The following RAB5B variants were observed in gnomAD, a reference collection of about 807,000 sequenced individuals.
RAB5B encodes the protein ras-related protein Rab-5B.
In RAB5B, 11 loss-of-function variants were observed where a neutral mutation model predicts 28.6. The observed-to-expected ratio is 0.38, with a 90% CI of 0.24 to 0.64. The LOEUF is 0.64. Among genes scored for constraint, RAB5B ranks in the 30% least tolerant of loss-of-function variants. RAB5B has a pLI of 0.53. For synonymous variants in RAB5B, 93 were observed against 97.9 expected, an observed-to-expected ratio of 0.95 and a Z score of 0.29; for missense variants, 169 against 265.6, an observed-to-expected ratio of 0.64 and a Z score of 2.53.
At chr12:55,980,318 C>T (rs1385022461) in intron 1 of RAB5B, 9 of 848,394 alleles carry the variant, frequency 1.1e-5, no homozygotes, top group Admixed American at 4.1e-5. Context: ...TACCATCTAC[C>T]TATGTGTCCC....
intron 1 of RAB5B, among the ~76,000 whole-genome samples, chr12:55,984,644 T>A (rs189444763): frequency 8.5e-4 from 128 of 151,336 alleles, no homozygotes; most frequent in Middle Eastern, 6.9e-3. Context: ...ACCCAGCTAA[T>A]TTTTTTTGTA....
chr12:55,988,084 G>T (rs1890005288), intron 2 of RAB5B, among the ~76,000 whole-genome samples: 1 of 152,178 alleles, frequency 6.6e-6, no homozygotes, highest in Non-Finnish European at 1.5e-5. Context: ...AGGAGATGGA[G>T]GTTGCAGTGA....
chr12:55,983,077 T>C (rs1204093367), intron 1 of RAB5B, among the ~76,000 whole-genome samples: 1 of 152,130 alleles, frequency 6.6e-6, no homozygotes, highest in Non-Finnish European at 1.5e-5. Flanking sequence ...GTCTTCTCTT[T>C]TATTTATTTT....
chr12:55,987,604 C>CG (rs1302316620), intron 2 of RAB5B, among the ~76,000 whole-genome samples: 1 of 152,014 alleles, frequency 6.6e-6, no homozygotes, highest in Non-Finnish European at 1.5e-5. Context: ...CCAAGATGGG[C>CG]GGATCACCTG....
At chr12:55,975,790 C>CTTTTTTTT (rs1163535431) in intron 1 of RAB5B, among the ~76,000 whole-genome samples, 7 of 115,136 alleles carry the variant, frequency 6.1e-5, no homozygotes, top group African/African-American at 7.0e-5. Context: ...CACTACATTT[C>CTTTTTTTT]TTTTTTTTTT....
rs1293760482 is a variant in RAB5B at position 55,995,995 on chromosome 12, A to ATTTT, written c.*3784_*3785insTTTT. Reference sequence around the variant, plus strand: ...TCCATATATATATACATATATATATATATATATATTTTTTTTTTAACAACT... The same window carrying ATTTT: ...TCCATATATATATACATATATATATATTTTTATATATATTTTTTTTTTAACAACT... On this transcript the variant is annotated 3_prime_UTR_variant, in exon 6 of 6. Coordinates refer to ENST00000360299, the MANE Select transcript of RAB5B (RefSeq NM_002868.4). The ATTTT allele has an allele frequency of 4.0e-4, 42 of 104,036 alleles. No individual in the cohort carries two copies. The highest frequency in any genetic ancestry group is 7.9e-4 in the South Asian group (3 of 3,802). 6.4% of individuals were successfully genotyped at this position (104,036 alleles called of 1,614,324 possible). A position where few individuals can be genotyped will look rare whatever the true frequency, so the allele number is the denominator to read the frequency against.
chr12:55,987,182 A>G (rs1334635392), intron 2 of RAB5B, 59 bp downstream of exon 2: 7 of 1,407,000 alleles, frequency 5.0e-6, no homozygotes, highest in Admixed American at 4.1e-5. Context: ...TTTTTTTTAG[A>G]TGGAGTCTTG....
intron 1 of RAB5B, among the ~76,000 whole-genome samples, chr12:55,985,428 TCAAGCA>T (rs1367494479): frequency 1.3e-5 from 2 of 152,234 alleles, no homozygotes; most frequent in Non-Finnish European, 2.9e-5. Context: ...AGTACAACTC[TCAAGCA>T]ATGCTTAGGT....
intron 1 of RAB5B, chr12:55,981,148 C>G: frequency 2.3e-6 from 2 of 876,034 alleles, no homozygotes; most frequent in South Asian, 3.2e-5. Context: ...ACTGCTACCT[C>G]TGCCTCCCAG....
rs1262587291 is a variant in RAB5B, at chr12:55,980,483, G to A, written c.-93+6344G>A. 5.0e-6 allele frequency: 8 copies of A among 1,592,244 alleles called. No individual in the cohort carries two copies. The Admixed American group carries it at 1.3e-4, about 27-fold the overall frequency. On this transcript the variant is annotated intron_variant, in intron 1 of 5. Transcript: ENST00000360299. ...ACAAGTTTTCAGGTCAGTACTGGGA[G>A]GCTTGTTGCCGTTTCCTGATCTCCG...
At chr12:55,982,879 G>A (rs1592798181) in intron 1 of RAB5B, among the ~76,000 whole-genome samples, 1 of 152,154 alleles carries the variant, frequency 6.6e-6, no homozygotes, top group South Asian at 2.1e-4. Context: ...TTGTAGAGTA[G>A]TAACATTGAG....
At chr12:55,990,214 C>T in intron 3 of RAB5B, 116 bp downstream of exon 3, 1 of 1,178,840 alleles carries the variant, frequency 8.5e-7, no homozygotes, top group Admixed American at 2.6e-5. Flanking sequence ...TTGAGACCAT[C>T]CTGGCCAACA....
At chr12:55,992,000 C>A in intron 5 of RAB5B, 97 bp from the exon 6 acceptor site, 2 of 833,290 alleles carry the variant, frequency 2.4e-6, no homozygotes, top group East Asian at 2.6e-5. Flanking sequence ...CAAATTCTCC[C>A]TTTTCCCCAA....
intron 1 of RAB5B, among the ~76,000 whole-genome samples, chr12:55,977,693 G>C (rs1889684492): frequency 6.6e-6 from 1 of 152,186 alleles, no homozygotes; most frequent in Non-Finnish European, 1.5e-5. Flanking sequence ...CCCTCTTGGA[G>C]GAAGGATACC....
intron 2 of RAB5B, 36 bp from the exon 3 acceptor site, chr12:55,989,911 C>G (rs1250624781): frequency 1.3e-6 from 2 of 1,592,036 alleles, no homozygotes; most frequent in Non-Finnish European, 1.7e-6. Context: ...CATCCTCCCA[C>G]TTACAGCATC....
At chr12:55,980,742 T>C in intron 1 of RAB5B, 1 of 1,579,346 alleles carries the variant, frequency 6.3e-7, no homozygotes, top group Non-Finnish European at 8.7e-7. Context: ...TTCTGAATAT[T>C]CTCGAAAGAT....
intron 1 of RAB5B, among the ~76,000 whole-genome samples, chr12:55,980,178 C>T (rs1889760746): frequency 6.6e-6 from 1 of 151,974 alleles, no homozygotes; most frequent in African/African-American, 2.4e-5. Context: ...CCTTCCTTTC[C>T]TCCTCCCTCT....
intron 1 of RAB5B, among the ~76,000 whole-genome samples, chr12:55,978,745 T>C (rs1452827940): frequency 6.6e-6 from 1 of 151,820 alleles, no homozygotes; most frequent in East Asian, 1.9e-4. Flanking sequence ...ACTGTGATAA[T>C]GTGATACATA....
At chr12:55,980,991 C>T (rs867218781) in intron 1 of RAB5B, 21 of 1,613,920 alleles carry the variant, frequency 1.3e-5, no homozygotes, top group Middle Eastern at 1.6e-4. Context: ...CCCGAGTCCC[C>T]GATCAGCAGC....
Sources: gnomAD v4.1 joint callset for allele counts (sites outside exome capture counted in the v4.1 genomes callset) on GRCh38, gnomAD v4.1.1 for gene constraint, MANE v1.5 for transcripts, NCBI Gene and HGNC (gene_info 2026-07-23, HGNC 2026-07-21) for gene names.